Variants in DTNBP1 observed in about 807,000 individuals in gnomAD.
DTNBP1 encodes dystrobrevin binding protein 1.
A neutral mutation model predicts 42.8 loss-of-function variants in DTNBP1; 35 were observed. The observed-to-expected ratio is 0.82, with a 90% CI of 0.63 to 1.09. DTNBP1 has a LOEUF of 1.09. Ranked by LOEUF, DTNBP1 falls within the 50% of genes least tolerant of loss-of-function variation. The probability of loss-of-function intolerance (pLI) is 0.00; values close to 1 mark genes in which losing one functional copy is unlikely to be tolerated. For synonymous variants in DTNBP1, 171 were observed against 162.2 expected (o/e 1.05, Z -0.41); for missense variants, 457 against 424.2 (o/e 1.08, Z -0.68).
intron 7 of DTNBP1, among the ~76,000 whole-genome samples, chr6:15,589,637 C>T (rs945700673): frequency 3.9e-5 from 6 of 152,188 alleles, no homozygotes; most frequent in African/African-American, 1.2e-4. Context: ...TCATTCCTTA[C>T]GTGAATTCTC....
chr6:15,662,838 C>G lies in DTNBP1; in HGVS notation c.32G>C (p.Ser11Thr), dbSNP rs1014635143. 1 of 1,610,432 alleles carries G rather than the reference C, an allele frequency of 6.2e-7. No homozygotes were observed. Among genetic ancestry groups the G allele is most frequent in the Non-Finnish European group, 8.5e-7 (1 of 1,179,570 alleles). The change falls in exon 1 of 10, where the codon AGC (serine) becomes ACC (threonine). Residue 11 changes from serine to threonine, a missense_variant. Transcript: ENST00000344537. MLETLRERLL[S>T]VQQDFTSGLK... ...CCCGGAGGTGAAATCCTGCTGCACG[C>G]TCAGCAGCCGCTCGCGAAGGGTCTC...
At chr6:15,591,116 T>C (rs56328138) in intron 7 of DTNBP1, among the ~76,000 whole-genome samples, 8,836 of 151,652 alleles carry the variant, frequency 0.058, 402 homozygotes, top group African/African-American at 0.12. Context: ...GGTACTTTTT[T>C]TTTTTTTTTT....
chr6:15,543,624 G>T (rs904490897), intron 7 of DTNBP1, among the ~76,000 whole-genome samples: 2 of 152,170 alleles, frequency 1.3e-5, no homozygotes, highest in African/African-American at 4.8e-5. Context: ...GAACCAATAT[G>T]TCAGTATGTT....
intron 7 of DTNBP1, among the ~76,000 whole-genome samples, chr6:15,579,059 A>G (rs1775703319): frequency 6.6e-6 from 1 of 152,234 alleles, no homozygotes; most frequent in African/African-American, 2.4e-5. Flanking sequence ...TTTACCAAAG[A>G]AAAGAAAATC....
intron 9 of DTNBP1, 94 bp downstream of exon 9, chr6:15,524,432 T>C (rs975230415): frequency 8.1e-6 from 13 of 1,614,036 alleles, no homozygotes; most frequent in African/African-American, 8.0e-5. Flanking sequence ...GGTTTATGCG[T>C]AAGTGACTGG....
At chr6:15,589,360 C>T (rs2113613102) in intron 7 of DTNBP1, among the ~76,000 whole-genome samples, 1 of 152,340 alleles carries the variant, frequency 6.6e-6, no homozygotes, top group South Asian at 2.1e-4. Context: ...AGATCCACCT[C>T]AACCACTAAA....
chr6:15,598,478 T>C lies in DTNBP1; in HGVS notation c.489-5397A>G, dbSNP rs1027253269. ...GTTTAGGGGAAATTTTTTTTAAGCA[T>C]GATCAGCAATACTCTTTTATAGAAC... On this transcript the variant is annotated intron_variant, in intron 6 of 9. Coordinates refer to ENST00000344537, the MANE Select transcript of DTNBP1 (RefSeq NM_032122.5). 2.0e-5 allele frequency among the ~76,000 whole-genome samples: 3 copies of C among 152,356 alleles called. 1 individual carries two copies. The highest frequency in any genetic ancestry group is 2.0e-4 in the Admixed American group (3 of 15,304).
At chr6:15,541,608 G>C (rs1581284641) in intron 7 of DTNBP1, among the ~76,000 whole-genome samples, 2 of 152,092 alleles carry the variant, frequency 1.3e-5, no homozygotes, top group East Asian at 3.9e-4. Flanking sequence ...TATCACCTCA[G>C]GCCTATGTCT....
intron 6 of DTNBP1, among the ~76,000 whole-genome samples, chr6:15,599,403 C>A (rs1240887348): frequency 6.6e-6 from 1 of 152,172 alleles, no homozygotes. Context: ...AGTGACAGAA[C>A]TGGGAATAAA....
At chr6:15,609,296 A>G (rs1434283025) in intron 6 of DTNBP1, among the ~76,000 whole-genome samples, 1 of 151,334 alleles carries the variant, frequency 6.6e-6, no homozygotes, top group Admixed American at 6.6e-5. Context: ...ATGTTCCCAT[A>G]TATCTGAAGC....
At chr6:15,609,165 C>T (rs1758249302) in intron 6 of DTNBP1, among the ~76,000 whole-genome samples, 1 of 145,542 alleles carries the variant, frequency 6.9e-6, no homozygotes, top group African/African-American at 2.5e-5. Flanking sequence ...CTTTTGCTAC[C>T]TTCTTTTTTT....
At chr6:15,632,168 CAT>C (rs1488350861) in intron 4 of DTNBP1, among the ~76,000 whole-genome samples, 6 of 151,944 alleles carry the variant, frequency 3.9e-5, no homozygotes, top group Non-Finnish European at 8.8e-5. Context: ...AGGGGTTATT[CAT>C]ATTTTCTGAA....
intron 7 of DTNBP1, among the ~76,000 whole-genome samples, chr6:15,554,016 A>G (rs1414061643): frequency 6.6e-6 from 1 of 152,174 alleles, no homozygotes; most frequent in Non-Finnish European, 1.5e-5. Flanking sequence ...AAATAAGAAG[A>G]AGATGCAGGG....
chr6:15,598,556 G>T (rs1489570631), intron 6 of DTNBP1, among the ~76,000 whole-genome samples: 1 of 152,104 alleles, frequency 6.6e-6, no homozygotes, highest in East Asian at 1.9e-4. Flanking sequence ...CTATTACTGT[G>T]ACTACTTGTT....
At chr6:15,576,947 G>A (rs1206041643) in intron 7 of DTNBP1, among the ~76,000 whole-genome samples, 1 of 152,100 alleles carries the variant, frequency 6.6e-6, no homozygotes, top group Non-Finnish European at 1.5e-5. Flanking sequence ...CCAACAGATA[G>A]AGCAGAGAAA....
intron 7 of DTNBP1, chr6:15,548,454 C>CACAT (rs1774016338): frequency 6.6e-6 from 1 of 151,264 alleles, no homozygotes; most frequent in East Asian, 1.9e-4. Flanking sequence ...CACACACACA[C>CACAT]ACACACACAC....
chr6:15,604,643 C>T (rs1158172385), intron 6 of DTNBP1, among the ~76,000 whole-genome samples: 2 of 152,128 alleles, frequency 1.3e-5, no homozygotes, highest in Non-Finnish European at 2.9e-5. Context: ...CTAGAACATA[C>T]ACTGGTCAAA....
At chr6:15,524,469 G>C in intron 9 of DTNBP1, 57 bp downstream of exon 9, 3 of 1,613,608 alleles carry the variant, frequency 1.9e-6, no homozygotes, top group Non-Finnish European at 2.5e-6. Context: ...CTCACCTTTG[G>C]AGGGGAGTGG....
intron 7 of DTNBP1, among the ~76,000 whole-genome samples, chr6:15,565,448 G>A (rs1317559030): frequency 6.6e-6 from 1 of 152,112 alleles, no homozygotes; most frequent in Admixed American, 6.5e-5. Flanking sequence ...ATTAACTGGG[G>A]AATGGATAAA....
Sources: gnomAD v4.1 joint callset for allele counts (sites outside exome capture counted in the v4.1 genomes callset) on GRCh38, gnomAD v4.1.1 for gene constraint, MANE v1.5 for transcripts, NCBI Gene and HGNC (gene_info 2026-07-23, HGNC 2026-07-21) for gene names.